PCDHA6: variants seen among roughly 807,000 people sequenced by gnomAD.
PCDHA6 encodes the protein protocadherin alpha 6.
In PCDHA6, 55 loss-of-function variants were observed where a neutral mutation model predicts 60.3. That is an observed-to-expected ratio of 0.91 (90% confidence interval 0.73 to 1.14). The LOEUF (loss-of-function observed/expected upper bound fraction) is 1.14. Among genes scored for constraint, PCDHA6 ranks in the 50% most tolerant of loss-of-function variants. PCDHA6 has a pLI of 0.00. For missense variants in PCDHA6, 1,327 were observed against 1,256.5 expected (o/e 1.06, Z -0.85); for synonymous variants, 652 against 557.9 (o/e 1.17, Z -2.38).
At chr5:140,922,916 C>T (rs2081069739) in intron 1 of PCDHA6, among the ~76,000 whole-genome samples, 1 of 152,146 alleles carries the variant, frequency 6.6e-6, no homozygotes, top group South Asian at 2.1e-4. Context: ...TACAAATAAA[C>T]TTCAGACTTT....
At chr5:140,950,127 GAC>G (rs1554219301) in intron 1 of PCDHA6, among the ~76,000 whole-genome samples, 2 of 151,794 alleles carry the variant, frequency 1.3e-5, no homozygotes, top group Non-Finnish European at 2.9e-5. Context: ...AAACCCACAA[GAC>G]ACAGTTATAA....
At position 140,830,340 on chromosome 5, in the gene PCDHA6, A is replaced by G. The variant is rs1554132759; in HGVS notation, c.2249A>G (p.Tyr750Cys). The change falls in exon 1 of 4, where the codon TAC becomes TGC. Residue 750 changes from tyrosine to cysteine, a missense_variant. Transcript: ENST00000529310. ...VCSSAVGSWS[Y>C]SQQRRQRVCS... ...TCCAGCGCAGTGGGGAGCTGGTCGT[A>G]CTCGCAGCAGAGGCGGCAGAGGGTG... 9.9e-6 allele frequency: 16 copies of G among 1,613,958 alleles called. No homozygotes were observed. The highest frequency in any genetic ancestry group is 1.4e-5 in the Non-Finnish European group (16 of 1,179,922).
chr5:140,876,398 A>C (rs782094508), intron 1 of PCDHA6: 1 of 1,613,962 alleles, frequency 6.2e-7, no homozygotes, highest in South Asian at 1.1e-5. Flanking sequence ...GGTGAACTGG[A>C]TTTTGAAGAG....
chr5:140,871,594 A>G (rs1278020366), intron 1 of PCDHA6: 2 of 1,456,310 alleles, frequency 1.4e-6, no homozygotes, highest in Non-Finnish European at 1.8e-6. Context: ...TTTATGAATA[A>G]CCAGTGTTTT....
rs1554135637 is a variant in PCDHA6, at chr5:140,836,136, G to A, written c.2394+5651G>A. The A allele has an allele frequency of 1.2e-6, 2 of 1,613,670 alleles. No individual in the cohort carries two copies. The highest frequency in any genetic ancestry group is 1.7e-5 in the Admixed American group (1 of 59,996). ...AGTGAGAGAGCTTGTGCCGCGGTCT[G>A]TGGGCGCGGGCCATGTGGTGGCGAA... On this transcript the variant is annotated intron_variant, in intron 1 of 3. Transcript: ENST00000529310.
intron 1 of PCDHA6, chr5:140,843,282 A>T (rs2150356425): frequency 6.3e-6 from 10 of 1,595,910 alleles, no homozygotes; most frequent in Non-Finnish European, 7.7e-6. Context: ...GTGAAGGATC[A>T]TGGTGAACCT....
Position 140,886,416 on chromosome 5 carries a change from A to T in PCDHA6, c.2394+55931A>T, listed in dbSNP as rs184712902. Among the ~76,000 whole-genome samples, 13 of 152,286 alleles carry T rather than the reference A, an allele frequency of 8.5e-5. No homozygotes were observed. The East Asian group carries it at 2.5e-3, about 29-fold the overall frequency. ...TGCATCACAAATATGTTTTCCTCCT[A>T]TATTATTTCTATTCATTTGTTTGTA... is the stretch of plus-strand genomic sequence containing the variant. On this transcript the variant is annotated intron_variant, in intron 1 of 3. Transcript: ENST00000529310.
At chr5:140,849,995 C>CGA in intron 1 of PCDHA6, 1 of 1,597,088 alleles carries the variant, frequency 6.3e-7, no homozygotes, top group Non-Finnish European at 8.6e-7. Context: ...GGCGGTTGGG[C>CGA]GAGCGCTCGC....
At chr5:140,883,686 A>T in intron 1 of PCDHA6, 1 of 1,613,782 alleles carries the variant, frequency 6.2e-7, no homozygotes, top group South Asian at 1.1e-5. Context: ...CCGGGCTGCC[A>T]CATCTTCACG....
chr5:140,848,535 C>G (rs2150412209), intron 1 of PCDHA6: 2 of 1,595,366 alleles, frequency 1.3e-6, no homozygotes, highest in South Asian at 2.2e-5. Context: ...GGGTCAGCCT[C>G]TACTGCTCTC....
chr5:140,863,613 C>T, intron 1 of PCDHA6: 2 of 338,450 alleles, frequency 5.9e-6, no homozygotes, highest in South Asian at 4.9e-5. Flanking sequence ...TAATGTCCCT[C>T]ATAGTGACAT....
At chr5:140,964,658 G>T (rs2095846855) in intron 1 of PCDHA6, among the ~76,000 whole-genome samples, 1 of 151,968 alleles carries the variant, frequency 6.6e-6, no homozygotes, top group Admixed American at 6.6e-5. Context: ...AATGGGTGAG[G>T]ACACAGGCCA....
At chr5:140,933,901 CAT>C (rs1354614736) in intron 1 of PCDHA6, among the ~76,000 whole-genome samples, 33 of 151,882 alleles carry the variant, frequency 2.2e-4, no homozygotes, top group African/African-American at 7.7e-4. Flanking sequence ...AATATTTTGG[CAT>C]AAAGTTGTTT....
intron 1 of PCDHA6, chr5:140,882,721 A>G: frequency 6.2e-7 from 1 of 1,614,170 alleles, no homozygotes; most frequent in East Asian, 2.2e-5. Context: ...CGGAAACTCG[A>G]TTTCCACTAG....
At chr5:140,865,420 C>T (rs998161335) in intron 1 of PCDHA6, 2 of 152,258 alleles carry the variant, frequency 1.3e-5, no homozygotes, top group South Asian at 2.1e-4. Context: ...TTAGTAGTGT[C>T]TACCTAGAAA....
intron 1 of PCDHA6, chr5:140,852,478 A>G: frequency 5.0e-6 from 1 of 199,118 alleles, no homozygotes. Flanking sequence ...GGGTTTCATC[A>G]TGTTGGCCAG....
intron 1 of PCDHA6, among the ~76,000 whole-genome samples, chr5:140,917,163 G>C (rs948639951): frequency 6.6e-6 from 1 of 152,182 alleles, no homozygotes; most frequent in Non-Finnish European, 1.5e-5. Flanking sequence ...ATATGGGAGG[G>C]GTGATGGTGG....
At chr5:140,899,713 T>G (rs1336302647) in intron 1 of PCDHA6, among the ~76,000 whole-genome samples, 1 of 152,210 alleles carries the variant, frequency 6.6e-6, no homozygotes, top group Non-Finnish European at 1.5e-5. Context: ...TTAGGGAGGA[T>G]TCCCTCTTTT....
chr5:140,836,144 G>C (rs2150253955), intron 1 of PCDHA6: 2 of 1,613,662 alleles, frequency 1.2e-6, no homozygotes, highest in Admixed American at 1.7e-5. Context: ...CTGTGGGCGC[G>C]GGCCATGTGG....
Sources: gnomAD v4.1 joint callset for allele counts (sites outside exome capture counted in the v4.1 genomes callset) on GRCh38, gnomAD v4.1.1 for gene constraint, MANE v1.5 for transcripts, NCBI Gene and HGNC (gene_info 2026-07-23, HGNC 2026-07-21) for gene names.